Variants in UMAD1 observed in about 807,000 individuals in gnomAD.
UMAD1 encodes the protein UBAP1-MVB12-associated (UMA)-domain containing protein 1.
A neutral mutation model predicts 6.1 loss-of-function variants in UMAD1; 8 were observed. That is an observed-to-expected ratio of 1.30 (90% CI 0.76 to 2.35). The LOEUF (loss-of-function observed/expected upper bound fraction) is 2.35. Ranked by LOEUF, UMAD1 falls within the 30% of genes most tolerant of loss-of-function variation. UMAD1 has a pLI of 0.00. For synonymous variants in UMAD1, 56 were observed against 31.4 expected (o/e 1.78, Z -2.61); for missense variants, 130 against 78.4 (o/e 1.66, Z -2.49).
At chr7:7,692,085 C>T (rs1423491387) in intron 2 of UMAD1, among the ~76,000 whole-genome samples, 1 of 152,116 alleles carries the variant, frequency 6.6e-6, no homozygotes, top group Non-Finnish European at 1.5e-5. Flanking sequence ...TTCCTCTTTA[C>T]CCCTGGGGTT....
At chr7:7,718,331 G>T (rs1780969347) in intron 2 of UMAD1, among the ~76,000 whole-genome samples, 1 of 152,148 alleles carries the variant, frequency 6.6e-6, no homozygotes, top group Non-Finnish European at 1.5e-5. Flanking sequence ...GATACTGTAT[G>T]CATAGTGAGG....
At chr7:7,781,161 A>T (rs1782336523) in intron 2 of UMAD1, among the ~76,000 whole-genome samples, 1 of 152,162 alleles carries the variant, frequency 6.6e-6, no homozygotes, top group Non-Finnish European at 1.5e-5. Context: ...ATTCAATAAC[A>T]TTTTGTTTAC....
At chr7:7,801,844 A>G in intron 3 of UMAD1, 101 bp downstream of exon 3, 1 of 664,106 alleles carries the variant, frequency 1.5e-6, no homozygotes, top group Non-Finnish European at 2.8e-6. Flanking sequence ...TTGCTATGCC[A>G]TAGGTGCCTG....
At chr7:7,708,334 G>A (rs1780657677) in intron 2 of UMAD1, among the ~76,000 whole-genome samples, 1 of 152,132 alleles carries the variant, frequency 6.6e-6, no homozygotes, top group Non-Finnish European at 1.5e-5. Context: ...ACTTGTAGAC[G>A]AAGGAAGACA....
At chr7:7,695,002 C>G (rs1780274332) in intron 2 of UMAD1, among the ~76,000 whole-genome samples, 1 of 152,164 alleles carries the variant, frequency 6.6e-6, no homozygotes, top group Admixed American at 6.5e-5. Flanking sequence ...ACATTCCCAC[C>G]AACAGTGTTT....
Position 7,775,682 on chromosome 7 carries a change from G to A in UMAD1, c.83-25988G>A, listed in dbSNP as rs529155798. 8.5e-5 allele frequency among the ~76,000 whole-genome samples: 13 copies of A among 152,256 alleles called. No individual in the cohort carries two copies. In the South Asian group the frequency reaches 2.7e-3, roughly 32 times the overall value. The stretch of plus-strand genomic sequence containing the variant: ...ATGTTGATGAGGATATGGAGAAATT[G>A]GAATTGCACATATTGCTGGTGGGAA... On this transcript the variant is annotated intron_variant, in intron 2 of 3. Transcript: ENST00000682710.
At chr7:7,722,034 G>T (rs534209405) in intron 2 of UMAD1, among the ~76,000 whole-genome samples, 1 of 152,128 alleles carries the variant, frequency 6.6e-6, no homozygotes, top group South Asian at 2.1e-4. Context: ...TTGAACATTG[G>T]ACTGTAAGTT....
At position 7,819,678 on chromosome 7, in the gene UMAD1, A is replaced by T. The variant is rs139950986; in HGVS notation, c.156+17935A>T. On this transcript the variant is annotated intron_variant, in intron 3 of 3. Transcript: ENST00000682710. ...TGCTCTGAAAGAAAAATGGGTTCAC[A>T]TTCTGAAAAAGGTGATTTTGTCACC... Among the ~76,000 whole-genome samples the T allele has an allele frequency of 3.8e-3, 579 of 152,360 alleles. 10 individuals carry two copies. The highest frequency in any genetic ancestry group is 0.028 in the Admixed American group (423 of 15,296).
At chr7:7,867,590 A>G (rs896141336) in intron 3 of UMAD1, among the ~76,000 whole-genome samples, 1 of 152,208 alleles carries the variant, frequency 6.6e-6, no homozygotes, top group Non-Finnish European at 1.5e-5. Context: ...TTCTGAATTT[A>G]GCAAGAGAGT....
intron 3 of UMAD1, among the ~76,000 whole-genome samples, chr7:7,836,508 C>T (rs1370912973): frequency 1.3e-5 from 2 of 151,824 alleles, no homozygotes; most frequent in African/African-American, 2.4e-5. Flanking sequence ...ATAGGTGTGT[C>T]TCAAGGCCAA....
chr7:7,797,510 G>T (rs537395217), intron 2 of UMAD1, among the ~76,000 whole-genome samples: 1 of 152,200 alleles, frequency 6.6e-6, no homozygotes, highest in South Asian at 2.1e-4. Flanking sequence ...ACCTAAGTAG[G>T]TATTTGGTTC....
intron 2 of UMAD1, chr7:7,685,832 T>C (rs1218530030): frequency 6.6e-6 from 1 of 152,256 alleles, no homozygotes; most frequent in Non-Finnish European, 1.5e-5. Context: ...GGTCTTACCT[T>C]GGAAGAATAG....
chr7:7,840,815 G>C (rs1315392009), intron 3 of UMAD1, among the ~76,000 whole-genome samples: 1 of 152,088 alleles, frequency 6.6e-6, no homozygotes, highest in African/African-American at 2.4e-5. Context: ...TCCTAATAAA[G>C]TTTGGCAAAA....
intron 3 of UMAD1, among the ~76,000 whole-genome samples, chr7:7,846,929 A>T (rs1783795004): frequency 7.7e-6 from 1 of 129,826 alleles, no homozygotes; most frequent in African/African-American, 3.1e-5. Flanking sequence ...GGGGGTAGGG[A>T]TAGCATTGGG....
At chr7:7,697,611 C>T (rs566018600) in intron 2 of UMAD1, among the ~76,000 whole-genome samples, 8 of 152,258 alleles carry the variant, frequency 5.3e-5, no homozygotes, top group African/African-American at 1.9e-4. Context: ...GGGCACCTAA[C>T]TTTAAAGATA....
chr7:7,830,801 G>T lies in UMAD1; in HGVS notation c.156+29058G>T, dbSNP rs11978595. 0.059 allele frequency among the ~76,000 whole-genome samples: 9,007 copies of T among 152,138 alleles called. 888 individuals are homozygous for T. Among genetic ancestry groups the T allele is most frequent in the African/African-American group, 0.2 (8,476 of 41,482 alleles). Reference sequence around the variant, plus strand: ...TTACTTGCCGATCTTGTATCTTTCAGTACTGGATAAGTGAAGTGAATGTAA... The same window carrying T: ...TTACTTGCCGATCTTGTATCTTTCATTACTGGATAAGTGAAGTGAATGTAA... On this transcript the variant is annotated intron_variant, in intron 3 of 3. Transcript: ENST00000682710. This position sits in a 1 kb window ranked among gnomAD's most constrained non-coding sequence, Gnocchi z 5.3.
At chr7:7,843,587 C>G (rs190588146) in intron 3 of UMAD1, among the ~76,000 whole-genome samples, 1 of 152,102 alleles carries the variant, frequency 6.6e-6, no homozygotes. Flanking sequence ...TTATTATTAC[C>G]TAACATTTTA....
intron 3 of UMAD1, among the ~76,000 whole-genome samples, chr7:7,817,817 C>A (rs1364141831): frequency 1.3e-5 from 2 of 152,018 alleles, no homozygotes; most frequent in Non-Finnish European, 2.9e-5. Flanking sequence ...ATGTTCCCCC[C>A]ACCCCCTTTT....
Position 7,873,595 on chromosome 7 carries a change from C to G in UMAD1, c.157-3686C>G, listed in dbSNP as rs60997934. On this transcript the variant is annotated intron_variant, in intron 3 of 3. Transcript: ENST00000682710. Reference sequence around the variant, plus strand: ...TAAAACAGTACTCTGGTGTTATTTTCACATGAAATTATAAGACCACTCTTA... The same window carrying G: ...TAAAACAGTACTCTGGTGTTATTTTGACATGAAATTATAAGACCACTCTTA... 7.9e-4 allele frequency among the ~76,000 whole-genome samples: 120 copies of G among 152,304 alleles called. 2 individuals are homozygous for G. The East Asian group carries it at 0.022, about 28-fold the overall frequency.
Sources: allele counts gnomAD v4.1 joint callset (sites outside exome capture counted in the v4.1 genomes callset), GRCh38; gene constraint gnomAD v4.1.1; non-coding constraint Gnocchi (gnomAD v3.1); transcripts MANE v1.5; gene names NCBI Gene and HGNC (gene_info 2026-07-23, HGNC 2026-07-21).